Variants in PRKG2 observed in about 807,000 individuals in gnomAD.
The protein encoded by PRKG2 is cGMP-dependent protein kinase 2.
Under a neutral mutation model 97.2 loss-of-function variants are expected in PRKG2, and 33 were observed. That is an observed-to-expected ratio of 0.34 (90% CI 0.26 to 0.45). PRKG2 has a LOEUF of 0.45. PRKG2 is among the 20% of genes least tolerant of loss of function. The probability of loss-of-function intolerance (pLI) is 1.00; values close to 1 mark genes in which losing one functional copy is unlikely to be tolerated. For synonymous variants in PRKG2, 330 were observed against 321.8 expected (o/e 1.03, Z -0.27); for missense variants, 638 against 900.0 (o/e 0.71, Z 3.73).
At chr4:81,119,057 AAAGTGCTAGGAT>A in intron 14 of PRKG2, among the ~76,000 whole-genome samples, 1 of 152,176 alleles carries the variant, frequency 6.6e-6, no homozygotes, top group Non-Finnish European at 1.5e-5. Context: ...TTGGCTTCTC[AAAGTGCTAGGAT>A]TACAGATATG....
chr4:81,152,167 G>C, intron 7 of PRKG2, 113 bp from the exon 8 acceptor site: 1 of 761,634 alleles, frequency 1.3e-6, no homozygotes, highest in Non-Finnish European at 2.1e-6. Context: ...CAAGGAAAAA[G>C]ACAATACTTT....
intron 6 of PRKG2, among the ~76,000 whole-genome samples, chr4:81,160,421 A>G (rs1396005107): frequency 3.3e-5 from 5 of 152,190 alleles, no homozygotes; most frequent in African/African-American, 1.2e-4. Context: ...GAGAAATGAG[A>G]GCCAGGCAAC....
intron 14 of PRKG2, among the ~76,000 whole-genome samples, chr4:81,119,301 T>C (rs1297285668): frequency 6.6e-6 from 1 of 152,248 alleles, no homozygotes; most frequent in African/African-American, 2.4e-5. Flanking sequence ...GGGTACATGG[T>C]CTGTATCTAG....
intron 2 of PRKG2, among the ~76,000 whole-genome samples, chr4:81,200,922 T>G (rs888096883): frequency 1.3e-5 from 2 of 152,174 alleles, no homozygotes; most frequent in African/African-American, 4.8e-5. Context: ...AAATGGTCAG[T>G]AGGCACAAAG....
At chr4:81,131,939 T>C (rs1006697369) in intron 14 of PRKG2, among the ~76,000 whole-genome samples, 12 of 152,142 alleles carry the variant, frequency 7.9e-5, no homozygotes, top group African/African-American at 2.9e-4. Context: ...CATTTCTATG[T>C]AAATTTTAGA....
chr4:81,206,365 G>T (rs919900675), intron 1 of PRKG2, among the ~76,000 whole-genome samples: 1 of 152,148 alleles, frequency 6.6e-6, no homozygotes, highest in Non-Finnish European at 1.5e-5. Context: ...CATGGGGGCG[G>T]ATCTTTCCCA....
intron 18 of PRKG2, among the ~76,000 whole-genome samples, chr4:81,090,045 A>C (rs1368117492): frequency 6.6e-6 from 1 of 152,172 alleles, no homozygotes; most frequent in Non-Finnish European, 1.5e-5. Context: ...CCTGGCATGA[A>C]GAGTTTTCCT....
chr4:81,120,792 C>T (rs557324592), intron 14 of PRKG2, among the ~76,000 whole-genome samples: 1 of 152,156 alleles, frequency 6.6e-6, no homozygotes, highest in East Asian at 1.9e-4. Flanking sequence ...CCTGTATTTC[C>T]TTGTCTTGCT....
intron 8 of PRKG2, among the ~76,000 whole-genome samples, chr4:81,149,180 T>C (rs1309558509): frequency 1.3e-5 from 2 of 152,108 alleles, no homozygotes; most frequent in East Asian, 3.9e-4. Flanking sequence ...ATAATTGCAC[T>C]GGGAACAGAG....
chr4:81,175,059 CTT>C, intron 2 of PRKG2, 100 bp from the exon 3 acceptor site: 1 of 1,170,956 alleles, frequency 8.5e-7, no homozygotes, highest in Non-Finnish European at 1.2e-6. Flanking sequence ...TATCTACAAA[CTT>C]ATAACTTTCT....
intron 14 of PRKG2, among the ~76,000 whole-genome samples, chr4:81,127,466 G>A (rs1244684711): frequency 6.6e-6 from 1 of 151,790 alleles, no homozygotes; most frequent in Non-Finnish European, 1.5e-5. Flanking sequence ...CTATCCATGA[G>A]CATGGAATGT....
rs375314651 is a variant in PRKG2, at chr4:81,135,310, A to G, written c.1635-14T>C. On this transcript the variant is annotated splice_polypyrimidine_tract_variant and intron_variant, in intron 13 of 18. Transcript: ENST00000264399. ...TCAAAGCTGCCTCTGCAACGAAATC[A>G]TTTTCCCTCTTAATACTTTGGATAC... The G allele has an allele frequency of 5.0e-6, 8 of 1,611,034 alleles. No homozygotes were observed. In the African/African-American group the frequency reaches 1.1e-4, roughly 22 times the overall value.
Position 81,092,465 on chromosome 4 carries a change from A to AAAGGAAGAAAGGAAGG in PRKG2, c.2127-14_2127-13insCCTTCCTTTCTTCCTT. ...ACCATTTAACCACCTGAGAAATGAG[A>AAAGGAAGAAAGGAAGG]AAGGAAGGAAGGAAGGAAGGAAGGA... On this transcript the variant is annotated splice_polypyrimidine_tract_variant and intron_variant, in intron 17 of 18. Transcript: ENST00000264399. 1 of 925,344 alleles carries AAAGGAAGAAAGGAAGG rather than the reference A, an allele frequency of 1.1e-6. No homozygotes were observed. The highest frequency in any genetic ancestry group is 1.7e-5 in the South Asian group (1 of 57,708). The allele number at this position is 925,344 out of a possible 1,614,324, so 57.3% of individuals were successfully genotyped here.
chr4:81,165,864 T>C (rs1749936824), intron 6 of PRKG2, among the ~76,000 whole-genome samples: 1 of 152,032 alleles, frequency 6.6e-6, no homozygotes. Context: ...GCTGTCAACA[T>C]AGAAATCCCC....
intron 6 of PRKG2, among the ~76,000 whole-genome samples, chr4:81,157,206 G>C (rs991961181): frequency 1.3e-5 from 2 of 152,078 alleles, no homozygotes; most frequent in Non-Finnish European, 2.9e-5. Flanking sequence ...GAAAAAAAGA[G>C]AGAAGAATCA....
intron 2 of PRKG2, among the ~76,000 whole-genome samples, chr4:81,199,505 T>C (rs766329903): frequency 5.9e-5 from 9 of 152,276 alleles, no homozygotes; most frequent in Non-Finnish European, 8.8e-5. Flanking sequence ...TATATTACAC[T>C]CTACATAACC....
At chr4:81,206,018 C>T (rs1373954001) in intron 1 of PRKG2, among the ~76,000 whole-genome samples, 1 of 152,076 alleles carries the variant, frequency 6.6e-6, no homozygotes. Context: ...GTTGTGATCT[C>T]ATTGTTATTA....
Position 81,114,554 on chromosome 4 carries a change from G to A in PRKG2, c.1777-3943C>T, listed in dbSNP as rs181708189. Among the ~76,000 whole-genome samples, 132 of 152,278 alleles carry A rather than the reference G, an allele frequency of 8.7e-4. 2 individuals carry two copies. Among genetic ancestry groups the A allele is most frequent in the African/African-American group, 3.1e-3 (127 of 41,562 alleles). ...TAACTGTCAAGTACAGCTAATAATGGTCTGGCTAATAATGGTCTGGCAATA... is the reference window on the plus strand; with the variant it reads ...TAACTGTCAAGTACAGCTAATAATGATCTGGCTAATAATGGTCTGGCAATA... On this transcript the variant is annotated intron_variant, in intron 14 of 18. Coordinates refer to ENST00000264399, the MANE Select transcript of PRKG2 (RefSeq NM_006259.3).
chr4:81,096,627 T>C (rs1029628244), intron 17 of PRKG2, among the ~76,000 whole-genome samples: 1 of 152,188 alleles, frequency 6.6e-6, no homozygotes, highest in African/African-American at 2.4e-5. Context: ...AATATTTAAA[T>C]CCTTTGTTGT....
Sources: allele counts gnomAD v4.1 joint callset (sites outside exome capture counted in the v4.1 genomes callset), GRCh38; gene constraint gnomAD v4.1.1; transcripts MANE v1.5; gene names NCBI Gene and HGNC (gene_info 2026-07-23, HGNC 2026-07-21).